Variants in DNAH11 observed in about 807,000 individuals in gnomAD.
The protein encoded by DNAH11 is axonemal beta dynein heavy chain 11.
In DNAH11, 442 loss-of-function variants were observed where a neutral mutation model predicts 526.0. The ratio of observed to expected loss-of-function variants is 0.84; its 90% confidence interval spans 0.78 to 0.91. DNAH11 has a LOEUF of 0.91. Ranked by LOEUF, DNAH11 falls within the 40% of genes least tolerant of loss-of-function variation. The probability of loss-of-function intolerance (pLI) is 0.00; values close to 1 mark genes in which losing one functional copy is unlikely to be tolerated. For synonymous variants in DNAH11, 2,461 were observed against 1,935.9 expected (o/e 1.27, Z -7.12); for missense variants, 6,989 against 5,448.7 (o/e 1.28, Z -8.90).
rs1296217530 is a variant in DNAH11 at position 21,852,508 on chromosome 7, C to G, written c.10938C>G (p.Leu3646=). The G allele has an allele frequency of 6.2e-7, 1 of 1,613,370 alleles. No homozygotes were observed. The highest frequency in any genetic ancestry group is 1.7e-5 in the Admixed American group (1 of 59,996). The change falls in exon 67 of 82, where the codon CTC becomes CTG. Residue 3646 remains leucine, a synonymous_variant. Coordinates refer to ENST00000409508, the MANE Select transcript of DNAH11 (RefSeq NM_001277115.2). The stretch of plus-strand genomic sequence containing the variant: ...ACCAAAATGATTTTAAAATTGAGCT[C>G]AAGTATCTGGAAGACGATCTCCTTT... ...TKHQNDFKIE[L]KYLEDDLLLR... is the part of the protein sequence containing the mutation.
intron 61 of DNAH11, among the ~76,000 whole-genome samples, chr7:21,789,862 C>CTTT (rs1788394721): frequency 3.0e-5 from 2 of 66,610 alleles, no homozygotes; most frequent in African/African-American, 5.2e-5. Context: ...CTCTCTCCTT[C>CTTT]CTTCCTTTTC....
Position 21,615,259 on chromosome 7 carries a change from T to G in DNAH11, c.3998T>G (p.Ile1333Ser). The change falls in exon 21 of 82, where the codon ATT (isoleucine) becomes AGT (serine). Residue 1333 changes from isoleucine (I) to serine (S), a missense_variant. Transcript: ENST00000409508. ...IKLLKGLWDV[I>S]IYVRRSIDNW... is the part of the protein sequence containing the mutation. ...TTGCTCAAGGGACTGTGGGATGTCATTATTTATGTTCGAGTAAGATGTGCT... is the reference window on the plus strand; with the variant it reads ...TTGCTCAAGGGACTGTGGGATGTCAGTATTTATGTTCGAGTAAGATGTGCT... The G allele has an allele frequency of 6.2e-7, 1 of 1,612,016 alleles. No individual in the cohort carries two copies. Among genetic ancestry groups the G allele is most frequent in the Non-Finnish European group, 8.5e-7 (1 of 1,178,938 alleles).
intron 25 of DNAH11, among the ~76,000 whole-genome samples, chr7:21,628,179 G>GTT (rs950199083): frequency 6.7e-6 from 1 of 148,874 alleles, no homozygotes; most frequent in Non-Finnish European, 1.5e-5. Context: ...AGTTCTAACA[G>GTT]TTTTTTTTTT....
chr7:21,876,493 C>A (rs573918095), intron 74 of DNAH11, among the ~76,000 whole-genome samples: 1 of 152,198 alleles, frequency 6.6e-6, no homozygotes, highest in South Asian at 2.1e-4. Flanking sequence ...GCCCTTTTAT[C>A]AGTTAGAATG....
chr7:21,704,803 G>T (rs1348875839), intron 38 of DNAH11, among the ~76,000 whole-genome samples, 175 bp downstream of exon 38: 1 of 152,172 alleles, frequency 6.6e-6, no homozygotes, highest in African/African-American at 2.4e-5. Flanking sequence ...AAACATTTAA[G>T]TAGCCCCTCT....
intron 2 of DNAH11, among the ~76,000 whole-genome samples, chr7:21,556,223 A>G (rs1300320235): frequency 6.6e-6 from 1 of 152,064 alleles, no homozygotes; most frequent in African/African-American, 2.4e-5. Flanking sequence ...CCCATTCTCT[A>G]CATTCTGTTC....
intron 42 of DNAH11, among the ~76,000 whole-genome samples, chr7:21,715,759 C>T (rs2128482311): frequency 6.6e-6 from 1 of 151,992 alleles, no homozygotes; most frequent in East Asian, 1.9e-4. Flanking sequence ...ATAATTTCTA[C>T]ATAAATTTTT....
chr7:21,721,495 A>G (rs1278636033), intron 44 of DNAH11, among the ~76,000 whole-genome samples: 1 of 152,202 alleles, frequency 6.6e-6, no homozygotes, highest in Non-Finnish European at 1.5e-5. Context: ...TATTTCTCAC[A>G]GTTCTGGGGA....
In DNAH11 at chr7:21,744,412, G is replaced by A. The variant is rs2128491559; in HGVS notation, c.8155-26G>A. ...CATGTCATCAGCCTCTGAATTAAAG[G>A]TATTTTCCCCATTCTTGCCTTGTAG... On this transcript the variant is annotated intron_variant, in intron 49 of 81. Transcript: ENST00000409508. 3 of 1,608,716 alleles carry A rather than the reference G, an allele frequency of 1.9e-6. No homozygotes were observed. The East Asian group carries it at 6.7e-5, about 36-fold the overall frequency.
intron 49 of DNAH11, among the ~76,000 whole-genome samples, 171 bp from the exon 50 acceptor site, chr7:21,744,267 T>C (rs551353589): frequency 6.6e-6 from 1 of 152,334 alleles, no homozygotes; most frequent in African/African-American, 2.4e-5. Flanking sequence ...TTTAAAATAT[T>C]GCACTTATCA....
chr7:21,591,997 G>T (rs1291029282), intron 14 of DNAH11, among the ~76,000 whole-genome samples: 1 of 152,024 alleles, frequency 6.6e-6, no homozygotes, highest in East Asian at 1.9e-4. Flanking sequence ...TTTTAACAAA[G>T]ATTTGAGTTC....
chr7:21,874,211 A>G (rs902222460), intron 74 of DNAH11, among the ~76,000 whole-genome samples: 2 of 131,372 alleles, frequency 1.5e-5, no homozygotes, highest in Admixed American at 1.5e-4. Context: ...GTTTCAGTGT[A>G]GTGTTTTAGC....
In DNAH11 at chr7:21,763,774, C is replaced by T. The variant is rs139416502; in HGVS notation, c.8941-1654C>T. ...AACTAAAATGTCCATCAACAGGCAA[C>T]TAGATAATGTGCTATATATACATAT... is the stretch of plus-strand genomic sequence containing the variant. On this transcript the variant is annotated intron_variant, in intron 54 of 81. Coordinates refer to ENST00000409508, the MANE Select transcript of DNAH11 (RefSeq NM_001277115.2). Among the ~76,000 whole-genome samples, 456 of 142,250 alleles carry T rather than the reference C, an allele frequency of 3.2e-3. 3 individuals carry two copies. Among genetic ancestry groups the T allele is most frequent in the Admixed American group, 5.4e-3 (72 of 13,212 alleles). 93.3% of individuals were successfully genotyped at this position (142,250 alleles called of 152,430 possible).
intron 54 of DNAH11, among the ~76,000 whole-genome samples, chr7:21,751,727 C>G (rs1396028233): frequency 6.6e-6 from 1 of 152,118 alleles, no homozygotes; most frequent in East Asian, 1.9e-4. Context: ...CAACATTCTG[C>G]TATTTCAAGT....
intron 56 of DNAH11, among the ~76,000 whole-genome samples, chr7:21,774,957 G>A (rs1787607100): frequency 1.3e-5 from 2 of 152,174 alleles, no homozygotes; most frequent in African/African-American, 2.4e-5. Context: ...TGGGGCAGTG[G>A]TTTCCCCGAG....
At chr7:21,592,296 G>A (rs1335254084) in intron 14 of DNAH11, among the ~76,000 whole-genome samples, 1 of 152,188 alleles carries the variant, frequency 6.6e-6, no homozygotes, top group Non-Finnish European at 1.5e-5. Context: ...GGTTGGGCAG[G>A]CCTCTTTCCT....
At chr7:21,560,914 T>C (rs751569400) in intron 4 of DNAH11, among the ~76,000 whole-genome samples, 157 bp from the exon 5 acceptor site, 14 of 152,242 alleles carry the variant, frequency 9.2e-5, no homozygotes, top group Non-Finnish European at 1.6e-4. Flanking sequence ...AATGTATTTT[T>C]AAAATTATTT....
intron 25 of DNAH11, among the ~76,000 whole-genome samples, chr7:21,633,060 T>G (rs1278703669): frequency 6.6e-6 from 1 of 152,166 alleles, no homozygotes; most frequent in African/African-American, 2.4e-5. Context: ...GCTGGCGATC[T>G]CCCCTTTTTA....
chr7:21,615,337 A>G, intron 21 of DNAH11, 65 bp downstream of exon 21: 1 of 1,560,520 alleles, frequency 6.4e-7, no homozygotes, highest in Non-Finnish European at 8.7e-7. Flanking sequence ...CAGTTTGTGG[A>G]GCCTATATTA....
Sources: allele counts gnomAD v4.1 joint callset (sites outside exome capture counted in the v4.1 genomes callset), GRCh38; gene constraint gnomAD v4.1.1; transcripts MANE v1.5; gene names NCBI Gene and HGNC (gene_info 2026-07-23, HGNC 2026-07-21).